Variants in ADGRL2 observed in about 807,000 individuals in gnomAD.
The protein encoded by ADGRL2 is calcium-independent alpha-latrotoxin receptor 2.
A neutral mutation model predicts 157.4 loss-of-function variants in ADGRL2; 44 were observed. The observed-to-expected ratio is 0.28, with a 90% CI of 0.22 to 0.36. The LOEUF is 0.36. ADGRL2 is among the 10% of genes least tolerant of loss of function. The probability of loss-of-function intolerance (pLI) is 1.00; values close to 1 mark genes in which losing one functional copy is unlikely to be tolerated. For synonymous variants in ADGRL2, 585 were observed against 624.7 expected, an observed-to-expected ratio of 0.94 and a Z score of 0.95; for missense variants, 1,510 against 1,768.9, an observed-to-expected ratio of 0.85 and a Z score of 2.63.
intron 1 of ADGRL2, among the ~76,000 whole-genome samples, chr1:81,802,660 C>G (rs1017527277): frequency 6.6e-6 from 1 of 152,010 alleles, no homozygotes; most frequent in African/African-American, 2.4e-5. Flanking sequence ...GCGTCCTCGG[C>G]GGAGCTTATT....
At chr1:81,742,859 C>T (rs945434710) in intron 1 of ADGRL2, among the ~76,000 whole-genome samples, 8 of 151,920 alleles carry the variant, frequency 5.3e-5, no homozygotes, top group Non-Finnish European at 8.8e-5. Flanking sequence ...ATTGCTTTTC[C>T]CAGAATTTCT....
chr1:81,601,954 A>G (rs1475689048), intron 3 of ADGRL2, among the ~76,000 whole-genome samples: 1 of 152,220 alleles, frequency 6.6e-6, no homozygotes, highest in Non-Finnish European at 1.5e-5. Flanking sequence ...TTATGGGAAA[A>G]GAGAGCTTCT....
chr1:81,797,046 C>G (rs2087624384), upstream of ADGRL2, among the ~76,000 whole-genome samples: 1 of 152,150 alleles, frequency 6.6e-6, no homozygotes, highest in Non-Finnish European at 1.5e-5. Context: ...CAACTTTCAA[C>G]AAGTTCTAGT....
In ADGRL2 at chr1:81,685,548, G is replaced by T. The variant is rs182755961; in HGVS notation, c.-142-76263G>T. On this transcript the variant is annotated intron_variant, in intron 3 of 24. Coordinates refer to the ADGRL2 transcript ENST00000370721. The stretch of plus-strand genomic sequence containing the variant: ...GGAGCTTTCTGGAGGAGTCTTTAGG[G>T]TTTTCAAGGTGAAGGACCATATTTT... 8.5e-4 allele frequency among the ~76,000 whole-genome samples: 129 copies of T among 152,258 alleles called. 1 individual carries two copies. Among genetic ancestry groups the T allele is most frequent in the African/African-American group, 3.0e-3 (125 of 41,562 alleles).
chr1:81,599,723 C>G (rs943697809), intron 3 of ADGRL2, among the ~76,000 whole-genome samples: 4 of 152,138 alleles, frequency 2.6e-5, no homozygotes, highest in African/African-American at 4.8e-5. Flanking sequence ...TATGAAGCAG[C>G]TAAGTATTGC....
At chr1:81,354,925 C>T (rs1451802780) in intron 1 of ADGRL2, among the ~76,000 whole-genome samples, 1 of 152,058 alleles carries the variant, frequency 6.6e-6, no homozygotes, top group Non-Finnish European at 1.5e-5. Context: ...CAACGTTCTG[C>T]CCTTCATCTT....
Position 81,950,110 on chromosome 1 carries a change from G to A in ADGRL2, c.1211-79G>A, listed in dbSNP as rs1297525066. ...TAGGGTTTTGTGTGTGTGTGTGCAT[G>A]CACACATTCCATGTGTGCATGACTG... On this transcript the variant is annotated intron_variant, in intron 6 of 23. Transcript: ENST00000686636. 9 of 1,180,088 alleles carry A rather than the reference G, an allele frequency of 7.6e-6. No individual in the cohort carries two copies. In the Admixed American group the frequency reaches 1.5e-4, roughly 20 times the overall value. The allele number at this position is 1,180,088 out of a possible 1,614,324, so 73.1% of individuals were successfully genotyped here.
rs1379530648 is a variant in ADGRL2 at position 81,993,081 on chromosome 1, ATATATATTTTTTTTTTTT to A, written c.*1938_*1955del. Among the ~76,000 whole-genome samples the A allele has an allele frequency of 2.1e-4, 6 of 29,138 alleles. No homozygotes were observed. The highest frequency in any genetic ancestry group is 2.7e-3 in the South Asian group (2 of 732). 19.1% of individuals were successfully genotyped at this position (29,138 alleles called of 152,430 possible). On this transcript the variant is annotated 3_prime_UTR_variant, in exon 24 of 24. Coordinates refer to ENST00000686636, the MANE Select transcript of ADGRL2 (RefSeq NM_001366006.2). ...TACATATATATATATATATATATAT[ATATATATTTTTTTTTTTT>A]TTTTTTTTTTTTTTTTTTTTGGGAC...
At chr1:81,433,914 A>G (rs1276616069) in intron 1 of ADGRL2, among the ~76,000 whole-genome samples, 2 of 152,194 alleles carry the variant, frequency 1.3e-5, no homozygotes, top group South Asian at 2.1e-4. Flanking sequence ...GTTGTAGGCT[A>G]GAAGCTGTGT....
At chr1:81,326,830 A>T (rs1379042854) in intron 1 of ADGRL2, among the ~76,000 whole-genome samples, 1 of 152,214 alleles carries the variant, frequency 6.6e-6, no homozygotes, top group Non-Finnish European at 1.5e-5. Flanking sequence ...GAACCGTCAG[A>T]AATAATCAGA....
intron 1 of ADGRL2, among the ~76,000 whole-genome samples, chr1:81,818,298 C>A (rs2090625818): frequency 6.6e-6 from 1 of 152,080 alleles, no homozygotes; most frequent in Non-Finnish European, 1.5e-5. Flanking sequence ...CAGCTATTTC[C>A]TTTTTTTACA....
chr1:81,596,125 G>C (rs528249316), intron 3 of ADGRL2: 4 of 400,684 alleles, frequency 1.0e-5, no homozygotes, highest in Non-Finnish European at 1.9e-5. Context: ...TTAACAACTG[G>C]TAATCAATTT....
At chr1:81,749,512 T>C (rs2085419535) in intron 1 of ADGRL2, among the ~76,000 whole-genome samples, 2 of 152,216 alleles carry the variant, frequency 1.3e-5, no homozygotes. Context: ...TTTTTCCTGT[T>C]ACTAGATGGT....
chr1:81,607,995 C>T (rs1418162298), intron 3 of ADGRL2, among the ~76,000 whole-genome samples: 1 of 152,144 alleles, frequency 6.6e-6, no homozygotes, highest in Non-Finnish European at 1.5e-5. Flanking sequence ...GAAACACCTT[C>T]ATAATATTTC....
chr1:81,374,584 A>AAAAAAACAAAAAAAAT (rs1288608474), intron 1 of ADGRL2, among the ~76,000 whole-genome samples: 1 of 151,610 alleles, frequency 6.6e-6, no homozygotes, highest in Non-Finnish European at 1.5e-5. Flanking sequence ...AAAAGAAAAA[A>AAAAAAACAAAAAAAAT]AAAACAAGTT....
intron 1 of ADGRL2, among the ~76,000 whole-genome samples, chr1:81,431,171 G>A (rs992691612): frequency 1.3e-5 from 2 of 152,142 alleles, no homozygotes; most frequent in African/African-American, 4.8e-5. Flanking sequence ...AGATTTCCAA[G>A]GGATATCCGT....
chr1:81,595,128 A>T (rs916939826), intron 3 of ADGRL2, among the ~76,000 whole-genome samples: 3 of 152,160 alleles, frequency 2.0e-5, no homozygotes, highest in Non-Finnish European at 4.4e-5. Context: ...GACATGTGCT[A>T]TGCTAGCAGC....
At chr1:81,980,644 A>C (rs1012942085) in intron 18 of ADGRL2, 2 of 436,968 alleles carry the variant, frequency 4.6e-6, no homozygotes, top group South Asian at 7.8e-5. Flanking sequence ...AAAATGGCAG[A>C]TCTATAGTAA....
chr1:81,426,593 G>T, intron 1 of ADGRL2: 3 of 473,560 alleles, frequency 6.3e-6, no homozygotes, highest in South Asian at 4.6e-5. Context: ...GCTTTGAAAC[G>T]ACAGATGATA....
Sources: gnomAD v4.1 joint callset for allele counts (sites outside exome capture counted in the v4.1 genomes callset) on GRCh38, gnomAD v4.1.1 for gene constraint, MANE v1.5 for transcripts, NCBI Gene and HGNC (gene_info 2026-07-23, HGNC 2026-07-21) for gene names.